AOX1: variants seen among roughly 807,000 people sequenced by gnomAD.
AOX1 encodes the protein aldehyde oxidase 1.
Under a neutral mutation model 169.5 loss-of-function variants are expected in AOX1, and 153 were observed. The observed-to-expected ratio is 0.90, with a 90% CI of 0.79 to 1.03. The LOEUF (loss-of-function observed/expected upper bound fraction) is 1.03, where lower values mean the gene tolerates loss of function less well. AOX1 is among the 50% of genes least tolerant of loss of function. The probability of loss-of-function intolerance (pLI) is 0.00; values close to 1 mark genes in which losing one functional copy is unlikely to be tolerated. For missense variants in AOX1, 1,656 were observed against 1,663.9 expected (o/e 1.00, Z 0.08); for synonymous variants, 562 against 581.9 (o/e 0.97, Z 0.49).
Position 200,609,189 on chromosome 2 carries a change from TG to T in AOX1, c.1059+55del, listed in dbSNP as rs748909282. The stretch of plus-strand genomic sequence containing the variant: ...TATGCATCCCTTGGGTGACTCTCCC[TG>T]ATGAATCATGACATTTTCATTCTTT... On this transcript the variant is annotated intron_variant, in intron 11 of 34. Transcript: ENST00000374700. 10 of 1,601,238 alleles carry T rather than the reference TG, an allele frequency of 6.2e-6. No homozygotes were observed. In the East Asian group the frequency reaches 9.0e-5, roughly 14 times the overall value.
rs528362532 is a variant in AOX1, at chr2:200,669,819, C to T, written c.3966+77C>T. On this transcript the variant is annotated intron_variant, in intron 34 of 34. Coordinates refer to ENST00000374700, the MANE Select transcript of AOX1 (RefSeq NM_001159.4). ...GGCCTCTGTTCTTGTGGTAAGTTTT[C>T]GTGAACGCACTGCTGTGGCTTTTCT... The T allele has an allele frequency of 1.6e-5, 23 of 1,464,988 alleles. No individual in the cohort carries two copies. In the East Asian group the frequency reaches 2.5e-4, roughly 16 times the overall value. 90.7% of individuals were successfully genotyped at this position (1,464,988 alleles called of 1,614,324 possible).
At position 200,602,351 on chromosome 2, in the gene AOX1, T is replaced by C. The variant is rs200179124; in HGVS notation, c.498+6T>C. On this transcript the variant is annotated splice_donor_region_variant and intron_variant, in intron 6 of 34. Coordinates refer to ENST00000374700, the MANE Select transcript of AOX1 (RefSeq NM_001159.4). ...CATGCAAGACTTTCTGTAAAGTAAG[T>C]GGAAAGGACCACATGTTTGAGTATG... 11 of 1,612,758 alleles carry C rather than the reference T, an allele frequency of 6.8e-6. No homozygotes were observed. The East Asian group carries it at 2.0e-4, about 29-fold the overall frequency.
intron 7 of AOX1, among the ~76,000 whole-genome samples, 191 bp from the exon 8 acceptor site, chr2:200,603,826 A>G (rs1264884320): frequency 6.6e-6 from 1 of 152,172 alleles, no homozygotes; most frequent in Admixed American, 6.5e-5. Flanking sequence ...GCCCATTGGC[A>G]TCAGCACTGA....
At chr2:200,601,708 G>C (rs2034417976) in intron 5 of AOX1, among the ~76,000 whole-genome samples, 2 of 152,084 alleles carry the variant, frequency 1.3e-5, no homozygotes, top group African/African-American at 2.4e-5. Flanking sequence ...TAGGTGGGTG[G>C]ATCACCTGAG....
At chr2:200,614,009 T>C in intron 15 of AOX1, 43 bp downstream of exon 15, 1 of 1,570,554 alleles carries the variant, frequency 6.4e-7, no homozygotes, top group South Asian at 1.1e-5. Flanking sequence ...TACTGGGAGC[T>C]ATGATGACAC....
At chr2:200,602,468 CTAGCTGCTGTTTG>C in intron 6 of AOX1, 123 bp downstream of exon 6, 1 of 819,292 alleles carries the variant, frequency 1.2e-6, no homozygotes, top group Non-Finnish European at 2.0e-6. Context: ...CTCCAGGTTT[CTAGCTGCTGTTTG>C]TTATTTGATC....
chr2:200,656,003 A>T (rs2035674354), intron 26 of AOX1, among the ~76,000 whole-genome samples: 1 of 152,234 alleles, frequency 6.6e-6, no homozygotes, highest in African/African-American at 2.4e-5. Flanking sequence ...TGACATTACA[A>T]ATCCTAGATT....
chr2:200,610,295 C>T (rs1443785573), intron 12 of AOX1, among the ~76,000 whole-genome samples: 1 of 152,188 alleles, frequency 6.6e-6, no homozygotes, highest in Non-Finnish European at 1.5e-5. Context: ...TGGTCTCGAA[C>T]TCCTGACCTC....
intron 1 of AOX1, among the ~76,000 whole-genome samples, chr2:200,592,790 T>A (rs1320646312): frequency 1.3e-5 from 2 of 152,156 alleles, no homozygotes; most frequent in African/African-American, 4.8e-5. Flanking sequence ...TCCTTTCTTA[T>A]TTCATCCACT....
chr2:200,603,879 C>T (rs574491843), intron 7 of AOX1, 138 bp from the exon 8 acceptor site: 15 of 620,916 alleles, frequency 2.4e-5, no homozygotes, highest in Admixed American at 5.1e-5. Flanking sequence ...TGGTTTGGAG[C>T]GCGGGGATTG....
At chr2:200,591,398 G>T (rs2034169092) in intron 1 of AOX1, among the ~76,000 whole-genome samples, 1 of 152,214 alleles carries the variant, frequency 6.6e-6, no homozygotes, top group Non-Finnish European at 1.5e-5. Context: ...CTTGAGCAGG[G>T]TGGTGAATGA....
At chr2:200,615,277 A>G (rs1006610435) in intron 15 of AOX1, among the ~76,000 whole-genome samples, 3 of 152,206 alleles carry the variant, frequency 2.0e-5, no homozygotes, top group Non-Finnish European at 2.9e-5. Context: ...AAAATGCTGG[A>G]ATTACAGGCA....
At chr2:200,640,736 C>T (rs140697431) in intron 23 of AOX1, among the ~76,000 whole-genome samples, 188 of 152,238 alleles carry the variant, frequency 1.2e-3, no homozygotes, top group Middle Eastern at 6.8e-3. Context: ...TGACAGAAGC[C>T]ATTGTCATAA....
chr2:200,598,787 T>A (rs17532861), intron 4 of AOX1, among the ~76,000 whole-genome samples: 14 of 151,064 alleles, frequency 9.3e-5, no homozygotes, highest in South Asian at 2.1e-4. Flanking sequence ...TTGAAGTTAA[T>A]GAAGATCAAA....
At chr2:200,636,408 C>G (rs924427255) in intron 21 of AOX1, among the ~76,000 whole-genome samples, 4 of 152,036 alleles carry the variant, frequency 2.6e-5, no homozygotes, top group African/African-American at 7.2e-5. Flanking sequence ...GGATTACAGG[C>G]ATGAGCCACC....
Position 200,645,744 on chromosome 2 carries a change from C to T in AOX1, c.2847+2943C>T, listed in dbSNP as rs116530415. On this transcript the variant is annotated intron_variant, in intron 25 of 34. Transcript: ENST00000374700. ...AATTTTTAAATTACCATTTCAATCT[C>T]GCTCTTGTTATTGGTCTGTTAAGGG... Among the ~76,000 whole-genome samples the T allele has an allele frequency of 3.3e-3, 497 of 152,124 alleles. 2 individuals are homozygous for T. Among genetic ancestry groups the T allele is most frequent in the African/African-American group, 0.011 (475 of 41,540 alleles).
chr2:200,657,191 T>TATATATATATATATATATATATATA (rs1491522418), intron 27 of AOX1, among the ~76,000 whole-genome samples: 3 of 45,500 alleles, frequency 6.6e-5, no homozygotes, highest in Non-Finnish European at 8.5e-5. Flanking sequence ...TATATATATA[T>TATATATATATATATATATATATATA]TTTTTTTTTT....
At chr2:200,637,141 T>C in intron 22 of AOX1, 97 bp downstream of exon 22, 7 of 1,434,240 alleles carry the variant, frequency 4.9e-6, no homozygotes, top group Non-Finnish European at 6.7e-6. Flanking sequence ...GATTATTTAA[T>C]ATCACATATA....
chr2:200,659,780 TCTCTCTCA>T (rs1162289800), intron 28 of AOX1, among the ~76,000 whole-genome samples: 35 of 78,572 alleles, frequency 4.5e-4, no homozygotes, highest in Non-Finnish European at 6.8e-4. Flanking sequence ...AGGCCAGTTC[TCTCTCTCA>T]CACACACACA....
Sources: gnomAD v4.1 joint callset for allele counts (sites outside exome capture counted in the v4.1 genomes callset) on GRCh38, gnomAD v4.1.1 for gene constraint, MANE v1.5 for transcripts, NCBI Gene and HGNC (gene_info 2026-07-23, HGNC 2026-07-21) for gene names.